ASIC2: variants seen among roughly 807,000 people sequenced by gnomAD.
ASIC2 encodes the protein acid-sensing ion channel 2.
In ASIC2, 25 loss-of-function variants were observed where a neutral mutation model predicts 57.3. The observed-to-expected ratio is 0.44, with a 90% CI of 0.32 to 0.61. The LOEUF (loss-of-function observed/expected upper bound fraction) is 0.61. ASIC2 is among the 20% of genes least tolerant of loss of function. The pLI is 0.06. For synonymous variants in ASIC2, 319 were observed against 307.5 expected (o/e 1.04, Z -0.39); for missense variants, 641 against 738.1 (o/e 0.87, Z 1.52).
chr17:33,366,480 A>G (rs1412181261), intron 1 of ASIC2, among the ~76,000 whole-genome samples: 1 of 152,070 alleles, frequency 6.6e-6, no homozygotes, highest in Non-Finnish European at 1.5e-5. Context: ...ATTCTCCTGG[A>G]CAGCTCCTAC....
At chr17:33,411,546 G>A (rs1910660463) in intron 1 of ASIC2, among the ~76,000 whole-genome samples, 1 of 152,202 alleles carries the variant, frequency 6.6e-6, no homozygotes, top group South Asian at 2.1e-4. Flanking sequence ...GAAGGGAAAG[G>A]AAGGTATTAT....
chr17:33,046,389 A>G lies in ASIC2; in HGVS notation c.988-17997T>C, dbSNP rs528660374. On this transcript the variant is annotated intron_variant, in intron 3 of 9. Transcript: ENST00000225823. ...TTTTCTTAAAGTAGAGCACATCTCA[A>G]TGCATTTGCTGCAATTTTGGCTTTT... Among the ~76,000 whole-genome samples the G allele has an allele frequency of 2.6e-5, 4 of 152,330 alleles. No individual in the cohort carries two copies. In the East Asian group the frequency reaches 7.7e-4, roughly 29 times the overall value.
At chr17:33,517,593 A>C (rs912745054) in intron 1 of ASIC2, among the ~76,000 whole-genome samples, 2 of 150,130 alleles carry the variant, frequency 1.3e-5, no homozygotes, top group African/African-American at 4.9e-5. Context: ...TGGAGAATCT[A>C]CTCTGAGGGT....
In ASIC2 at chr17:34,019,143, C is replaced by G. The variant is rs1246479906; in HGVS notation, c.555+136835G>C. 2.6e-5 allele frequency among the ~76,000 whole-genome samples: 4 copies of G among 152,162 alleles called. No individual in the cohort carries two copies. In the East Asian group the frequency reaches 5.8e-4, roughly 22 times the overall value. ...CAGGATGGTCTTGATCTCCTGACCT[C>G]ATGATCCGCCCTCCTTGGCCTCTCA... is the stretch of plus-strand genomic sequence containing the variant. On this transcript the variant is annotated intron_variant, in intron 1 of 9. Transcript: ENST00000359872.
At chr17:34,097,736 T>C (rs1255610978) in intron 1 of ASIC2, among the ~76,000 whole-genome samples, 1 of 152,206 alleles carries the variant, frequency 6.6e-6, no homozygotes. Flanking sequence ...GTGGAACTCA[T>C]GGATACAGAG....
At chr17:33,252,438 G>T (rs1489485735) in intron 1 of ASIC2, among the ~76,000 whole-genome samples, 2 of 152,142 alleles carry the variant, frequency 1.3e-5, no homozygotes, top group Non-Finnish European at 2.9e-5. Context: ...CACCTCTCTG[G>T]ATGTGTTGAC....
intron 1 of ASIC2, among the ~76,000 whole-genome samples, chr17:33,631,780 G>A (rs771107199): frequency 2.0e-5 from 3 of 152,312 alleles, no homozygotes; most frequent in Admixed American, 6.5e-5. Context: ...AGGGTGGAAT[G>A]TGTTCCCCTG....
chr17:33,397,628 A>G (rs922773902), intron 1 of ASIC2, among the ~76,000 whole-genome samples: 2 of 152,190 alleles, frequency 1.3e-5, no homozygotes, highest in African/African-American at 4.8e-5. Context: ...CATTTTTACT[A>G]GAACTGTCCC....
intron 1 of ASIC2, among the ~76,000 whole-genome samples, chr17:33,679,347 A>C (rs978468928): frequency 1.3e-5 from 2 of 152,222 alleles, no homozygotes; most frequent in African/African-American, 4.8e-5. Context: ...CACTTTTAAG[A>C]GTAAAGAAGA....
intron 1 of ASIC2, among the ~76,000 whole-genome samples, chr17:33,799,831 G>T (rs1912079376): frequency 6.6e-6 from 1 of 152,198 alleles, no homozygotes; most frequent in African/African-American, 2.4e-5. Context: ...TAATGTGAAT[G>T]GTGCTCCCTA....
chr17:33,380,014 G>A (rs1346101200), intron 1 of ASIC2, among the ~76,000 whole-genome samples: 1 of 152,170 alleles, frequency 6.6e-6, no homozygotes, highest in Non-Finnish European at 1.5e-5. Context: ...GGGAGGCTGA[G>A]GTGGGCAGAT....
At chr17:33,756,035 C>T (rs754124564) in intron 1 of ASIC2, among the ~76,000 whole-genome samples, 1 of 152,242 alleles carries the variant, frequency 6.6e-6, no homozygotes, top group African/African-American at 2.4e-5. Context: ...TACACCCAGC[C>T]GGCAGCTCTG....
chr17:33,616,899 A>G (rs34202818), intron 1 of ASIC2, among the ~76,000 whole-genome samples: 8,393 of 152,300 alleles, frequency 0.055, 705 homozygotes, highest in African/African-American at 0.17. Context: ...ACATTGAAAT[A>G]TGTACTAGCT....
intron 1 of ASIC2, among the ~76,000 whole-genome samples, chr17:33,244,355 G>C (rs1908616608): frequency 6.6e-6 from 1 of 152,090 alleles, no homozygotes; most frequent in Non-Finnish European, 1.5e-5. Context: ...GGAAAATGAG[G>C]CCTCTAGGAA....
intron 1 of ASIC2, among the ~76,000 whole-genome samples, chr17:34,000,320 C>T (rs938857870): frequency 2.0e-5 from 3 of 146,478 alleles, no homozygotes; most frequent in East Asian, 2.0e-4. Flanking sequence ...GGTGCGATCT[C>T]GGCTCACCGC....
chr17:33,571,314 C>T (rs1916431891), intron 1 of ASIC2, among the ~76,000 whole-genome samples: 1 of 152,206 alleles, frequency 6.6e-6, no homozygotes, highest in Non-Finnish European at 1.5e-5. Context: ...GTTATTACTA[C>T]CTAAACTTAA....
At chr17:33,639,170 G>C (rs988761231) in intron 1 of ASIC2, among the ~76,000 whole-genome samples, 1 of 151,896 alleles carries the variant, frequency 6.6e-6, no homozygotes, top group Non-Finnish European at 1.5e-5. Context: ...AATGCCAGAC[G>C]TGAGGCTTTT....
chr17:33,935,806 G>C (rs928103199), intron 1 of ASIC2: 7 of 152,226 alleles, frequency 4.6e-5, no homozygotes, highest in African/African-American at 1.7e-4. Flanking sequence ...ACACAAAAAG[G>C]GATACTGAAT....
At chr17:33,498,117 A>G (rs951527501) in intron 1 of ASIC2, among the ~76,000 whole-genome samples, 2 of 152,228 alleles carry the variant, frequency 1.3e-5, no homozygotes, top group Admixed American at 6.5e-5. Context: ...AATCATCCCC[A>G]TGTTTCAGAT....
Sources: allele counts gnomAD v4.1 joint callset (sites outside exome capture counted in the v4.1 genomes callset), GRCh38; gene constraint gnomAD v4.1.1; transcripts MANE v1.5; gene names NCBI Gene and HGNC (gene_info 2026-07-23, HGNC 2026-07-21).